The following NTM variants were observed in gnomAD, a reference collection of about 807,000 sequenced individuals.
NTM encodes the protein neurotrimin, also known as IgLON family member 2.
In NTM, 13 loss-of-function variants were observed where a neutral mutation model predicts 42.1. The observed-to-expected ratio is 0.31, with a 90% CI of 0.20 to 0.49. The LOEUF (loss-of-function observed/expected upper bound fraction) is 0.49, where lower values mean the gene tolerates loss of function less well. Among genes scored for constraint, NTM ranks in the 20% least tolerant of loss-of-function variants. NTM has a pLI of 0.99. For synonymous variants in NTM, 187 were observed against 179.2 expected (o/e 1.04, Z -0.35); for missense variants, 373 against 452.8 (o/e 0.82, Z 1.60).
chr11:131,958,184 C>G, intron 2 of NTM, among the ~76,000 whole-genome samples: 1 of 151,954 alleles, frequency 6.6e-6, no homozygotes, highest in East Asian at 1.9e-4. Flanking sequence ...GAGCTTAATC[C>G]CACACATCCG....
chr11:131,916,393 G>A (rs773445503), intron 2 of NTM, among the ~76,000 whole-genome samples: 17 of 152,206 alleles, frequency 1.1e-4, no homozygotes, highest in African/African-American at 4.1e-4. Context: ...CTTGGCAGGT[G>A]GGTATCAGAG....
intron 1 of NTM, among the ~76,000 whole-genome samples, chr11:131,653,372 G>C (rs1475669843): frequency 1.3e-5 from 2 of 152,236 alleles, no homozygotes; most frequent in Non-Finnish European, 2.9e-5. Flanking sequence ...ATCAGCCGGA[G>C]GGCCCTGGGG....
intron 1 of NTM, among the ~76,000 whole-genome samples, chr11:131,907,826 G>A (rs2054085325): frequency 6.6e-6 from 1 of 152,208 alleles, no homozygotes; most frequent in East Asian, 1.9e-4. Context: ...TGAAGCAGGA[G>A]ACAGGATATA....
At chr11:131,610,920 G>A (rs543029982) in intron 1 of NTM, among the ~76,000 whole-genome samples, 1 of 152,314 alleles carries the variant, frequency 6.6e-6, no homozygotes, top group African/African-American at 2.4e-5. Context: ...AAATGAAAGT[G>A]GCATTTAAGA....
intron 1 of NTM, among the ~76,000 whole-genome samples, chr11:131,559,707 T>G (rs73580256): frequency 6.6e-6 from 1 of 152,186 alleles, no homozygotes; most frequent in African/African-American, 2.4e-5. Flanking sequence ...CTAGGGCTAG[T>G]GGAGCAACCT....
chr11:131,422,669 A>T (rs1947663382), intron 1 of NTM, among the ~76,000 whole-genome samples: 1 of 152,230 alleles, frequency 6.6e-6, no homozygotes, highest in Admixed American at 6.5e-5. Flanking sequence ...GTATGAGAGC[A>T]CTTTTCCCTC....
chr11:131,545,262 T>C (rs1233940256), intron 1 of NTM, among the ~76,000 whole-genome samples: 1 of 152,214 alleles, frequency 6.6e-6, no homozygotes, highest in Non-Finnish European at 1.5e-5. Flanking sequence ...TTTAAATGCA[T>C]GATACCTTTT....
intron 1 of NTM, among the ~76,000 whole-genome samples, chr11:131,417,549 T>C (rs954965946): frequency 6.6e-6 from 1 of 152,200 alleles, no homozygotes. Flanking sequence ...TTCTGAATAC[T>C]GTAAACTCTC....
At chr11:131,557,294 A>G (rs377318233) in intron 1 of NTM, among the ~76,000 whole-genome samples, 8 of 152,222 alleles carry the variant, frequency 5.3e-5, no homozygotes, top group African/African-American at 1.9e-4. Flanking sequence ...GAATGAAAAA[A>G]CAGAACATGA....
chr11:132,009,669 A>G (rs2071652822), intron 2 of NTM, among the ~76,000 whole-genome samples: 1 of 152,254 alleles, frequency 6.6e-6, no homozygotes, highest in Non-Finnish European at 1.5e-5. Context: ...AGATGGCATT[A>G]TAAGACTGCT....
At chr11:131,711,857 CA>C (rs973224590) in intron 1 of NTM, among the ~76,000 whole-genome samples, 1 of 151,322 alleles carries the variant, frequency 6.6e-6, no homozygotes, top group Non-Finnish European at 1.5e-5. Flanking sequence ...TGGAAATCAT[CA>C]TTCTCAGTAA....
chr11:132,296,086 C>T (rs1006946960), intron 4 of NTM, among the ~76,000 whole-genome samples: 7 of 152,144 alleles, frequency 4.6e-5, no homozygotes, highest in South Asian at 2.1e-4. Context: ...AATGGGGATT[C>T]GACAATGCTG....
At chr11:132,305,275 T>G (rs920860925) in intron 4 of NTM, among the ~76,000 whole-genome samples, 16 of 152,292 alleles carry the variant, frequency 1.1e-4, no homozygotes, top group African/African-American at 3.8e-4. Flanking sequence ...GCACAAGAGA[T>G]CCAGAGAACC....
chr11:131,517,557 A>G (rs1042261366), intron 1 of NTM, among the ~76,000 whole-genome samples: 26 of 152,138 alleles, frequency 1.7e-4, no homozygotes, highest in Non-Finnish European at 5.9e-5. Flanking sequence ...CCCTCTCCAC[A>G]GCCATCCTAA....
At chr11:131,969,533 G>A (rs1417780572) in intron 2 of NTM, among the ~76,000 whole-genome samples, 1 of 152,188 alleles carries the variant, frequency 6.6e-6, no homozygotes, top group Non-Finnish European at 1.5e-5. Context: ...ACTGAGCAAG[G>A]GGAGGCAGGG....
At chr11:131,503,981 G>A (rs7114205) in intron 1 of NTM, among the ~76,000 whole-genome samples, 24,192 of 152,090 alleles carry the variant, frequency 0.16, 2,587 homozygotes, top group African/African-American at 0.29. Context: ...AAGGCCAGGC[G>A]GGTCAGAGCA....
intron 1 of NTM, among the ~76,000 whole-genome samples, chr11:131,395,086 C>T (rs917597258): frequency 6.6e-6 from 1 of 152,124 alleles, no homozygotes; most frequent in Non-Finnish European, 1.5e-5. Context: ...GCAGTGGGAG[C>T]CAGGCTGCCT....
At chr11:131,554,864 A>T (rs1049247571) in intron 1 of NTM, among the ~76,000 whole-genome samples, 2 of 151,918 alleles carry the variant, frequency 1.3e-5, no homozygotes, top group African/African-American at 4.8e-5. Flanking sequence ...TCTGCTCCTG[A>T]GTGGGGGATG....
At chr11:131,932,220 C>T (rs2058707092) in intron 2 of NTM, among the ~76,000 whole-genome samples, 4 of 152,158 alleles carry the variant, frequency 2.6e-5, no homozygotes, top group Admixed American at 2.6e-4. Context: ...GAACAAAATA[C>T]ATACAAAACA....
Sources: gnomAD v4.1 joint callset for allele counts (sites outside exome capture counted in the v4.1 genomes callset) on GRCh38, gnomAD v4.1.1 for gene constraint, MANE v1.5 for transcripts, NCBI Gene and HGNC (gene_info 2026-07-23, HGNC 2026-07-21) for gene names.